Variants in TEX11 observed in about 807,000 individuals in gnomAD.
TEX11 encodes the protein testis-expressed protein 11.
TEX11 carries 7 observed loss-of-function variants against 84.4 expected under a neutral mutation model. That is an observed-to-expected ratio of 0.08 (90% CI 0.05 to 0.16). TEX11 has a LOEUF of 0.16. TEX11 is among the 10% of genes least tolerant of loss of function. The probability of loss-of-function intolerance (pLI) is 1.00; values close to 1 mark genes in which losing one functional copy is unlikely to be tolerated. For missense variants in TEX11, 551 were observed against 660.5 expected (o/e 0.83, Z 1.82); for synonymous variants, 264 against 222.8 (o/e 1.18, Z -1.64).
intron 28 of TEX11, among the ~76,000 whole-genome samples, chrX:70,539,674 G>T (rs2088015963): frequency 9.0e-6 from 1 of 111,168 alleles, no homozygotes; most frequent in Admixed American, 9.6e-5. Flanking sequence ...CCATGAGATG[G>T]AATAAATGTA....
chrX:70,535,333 T>G (rs997789297), intron 28 of TEX11, among the ~76,000 whole-genome samples: 27 of 112,113 alleles, frequency 2.4e-4, no homozygotes, highest in African/African-American at 8.7e-4. Context: ...CACCTACCAG[T>G]GGAATTTCTG....
intron 4 of TEX11, among the ~76,000 whole-genome samples, chrX:70,865,424 A>G (rs1471786291): frequency 5.4e-5 from 6 of 111,487 alleles, no homozygotes; most frequent in Non-Finnish European, 1.1e-4. Flanking sequence ...AAGAGACTTA[A>G]ACTCCCACAC....
intron 9 of TEX11, among the ~76,000 whole-genome samples, chrX:70,783,246 A>T (rs2091054163): frequency 8.9e-6 from 1 of 111,835 alleles, no homozygotes; most frequent in Admixed American, 9.5e-5. Flanking sequence ...TAAATAACAA[A>T]ATGAAGGCAG....
At chrX:70,880,473 T>A (rs1430323599) in intron 2 of TEX11, among the ~76,000 whole-genome samples, 1 of 110,864 alleles carries the variant, frequency 9.0e-6, no homozygotes, top group African/African-American at 3.3e-5. Flanking sequence ...GGTAGGAGGA[T>A]CACTTGAGTC....
chrX:70,612,538 C>T (rs188922964), intron 20 of TEX11, among the ~76,000 whole-genome samples: 1 of 101,241 alleles, frequency 9.9e-6, no homozygotes, highest in East Asian at 3.2e-4. Context: ...ATGAGAAAAC[C>T]TTTGATGGGC....
At chrX:70,677,810 CTTTTTTTTTTTTT>C (rs35653618) in intron 15 of TEX11, among the ~76,000 whole-genome samples, 3 of 63,582 alleles carry the variant, frequency 4.7e-5, no homozygotes, top group Non-Finnish European at 5.5e-5. Flanking sequence ...CTTTTCTTTC[CTTTTTTTTTTTTT>C]TTTTTTTTTG....
intron 7 of TEX11, among the ~76,000 whole-genome samples, chrX:70,839,060 G>A (rs2091424478): frequency 8.9e-6 from 1 of 112,744 alleles, no homozygotes; most frequent in African/African-American, 3.2e-5. Context: ...CTCCACCTCT[G>A]GGAGCAGGGC....
chrX:70,703,180 T>C (rs1251516708), intron 13 of TEX11, among the ~76,000 whole-genome samples: 1 of 111,651 alleles, frequency 9.0e-6, no homozygotes, highest in Non-Finnish European at 1.9e-5. Context: ...CTAAGCAGCA[T>C]ACTCATGACC....
At chrX:70,699,210 A>G (rs2090305961) in intron 13 of TEX11, among the ~76,000 whole-genome samples, 1 of 111,521 alleles carries the variant, frequency 9.0e-6, no homozygotes. Context: ...TGAGTGAAGA[A>G]AACATAGAGT....
chrX:70,658,778 A>G (rs767767190), intron 16 of TEX11, among the ~76,000 whole-genome samples: 2 of 111,569 alleles, frequency 1.8e-5, no homozygotes, highest in East Asian at 5.6e-4. Flanking sequence ...AATTCATATG[A>G]AGTTTCAAGG....
Position 70,647,350 on chromosome X carries a change from T to C in TEX11, c.1483+4100A>G, listed in dbSNP as rs777290019. Among the ~76,000 whole-genome samples, 29 of 111,621 alleles carry C rather than the reference T, an allele frequency of 2.6e-4. 1 individual carries two copies. Among genetic ancestry groups the C allele is most frequent in the Non-Finnish European group, 1.1e-4 (6 of 53,177 alleles). ...TGTACAACATGGTGACTATAGATTA[T>C]AACAATGTATTCTATTCTTAAAAAT... On this transcript the variant is annotated intron_variant, in intron 17 of 29. Transcript: ENST00000374333.
At chrX:70,749,871 G>A (rs764973240) in intron 9 of TEX11, among the ~76,000 whole-genome samples, 1 of 110,674 alleles carries the variant, frequency 9.0e-6, no homozygotes, top group Non-Finnish European at 1.9e-5. Context: ...AAGGATATGG[G>A]TCTAAAATTC....
intron 9 of TEX11, among the ~76,000 whole-genome samples, chrX:70,792,534 A>G (rs1170276649): frequency 9.5e-6 from 1 of 104,816 alleles, no homozygotes; most frequent in South Asian, 4.3e-4. Flanking sequence ...AGAAAAAAAA[A>G]TGACTAAAAC....
intron 25 of TEX11, among the ~76,000 whole-genome samples, chrX:70,565,436 G>T (rs1228786943): frequency 3.7e-5 from 4 of 108,409 alleles, no homozygotes; most frequent in East Asian, 2.9e-4. Context: ...TTTTGGCTTT[G>T]GTTGCCATTG....
intron 25 of TEX11, among the ~76,000 whole-genome samples, chrX:70,563,457 A>G (rs1224996572): frequency 8.9e-6 from 1 of 112,044 alleles, no homozygotes; most frequent in Non-Finnish European, 1.9e-5. Flanking sequence ...TGAAGTTAAA[A>G]AAGAACATAT....
At chrX:70,512,189 C>G in the TEX11 span, among the ~76,000 whole-genome samples, 1 of 107,705 alleles carries the variant, frequency 9.3e-6, no homozygotes, top group Non-Finnish European at 1.9e-5. Context: ...AAATCCTATA[C>G]ATCTTTAAAA....
chrX:70,871,650 A>G (rs754925717), intron 4 of TEX11, among the ~76,000 whole-genome samples: 17 of 111,668 alleles, frequency 1.5e-4, no homozygotes, highest in Non-Finnish European at 3.0e-4. Context: ...CAAAAAAAGT[A>G]TGATACACAT....
chrX:70,565,604 T>C (rs2088456616), intron 25 of TEX11, among the ~76,000 whole-genome samples: 3 of 111,060 alleles, frequency 2.7e-5, no homozygotes, highest in Non-Finnish European at 5.7e-5. Context: ...AGGGATCCAG[T>C]TTCAGCTTTC....
At chrX:70,808,607 A>G (rs2091234395) in intron 8 of TEX11, among the ~76,000 whole-genome samples, 1 of 109,310 alleles carries the variant, frequency 9.1e-6, no homozygotes, top group African/African-American at 3.3e-5. Flanking sequence ...GCCTGAAGGG[A>G]TGAATACTCC....
Sources: allele counts gnomAD v4.1 joint callset (sites outside exome capture counted in the v4.1 genomes callset), GRCh38; gene constraint gnomAD v4.1.1; transcripts MANE v1.5; gene names NCBI Gene and HGNC (gene_info 2026-07-23, HGNC 2026-07-21).